Variants in TRIQK observed in about 807,000 individuals in gnomAD.
TRIQK encodes triple QxxK/R motif-containing protein.
A neutral mutation model predicts 10.8 loss-of-function variants in TRIQK; 10 were observed. The ratio of observed to expected loss-of-function variants is 0.92; its 90% CI spans 0.57 to 1.57. The LOEUF (loss-of-function observed/expected upper bound fraction) is 1.57, where lower values mean the gene tolerates loss of function less well. Ranked by LOEUF, TRIQK falls within the 40% of genes most tolerant of loss-of-function variation. The pLI is 0.00. For synonymous variants in TRIQK, 33 were observed against 33.7 expected (o/e 0.98, Z 0.07); for missense variants, 107 against 97.7 (o/e 1.09, Z -0.40).
intron 3 of TRIQK, among the ~76,000 whole-genome samples, chr8:92,912,766 C>A (rs1218623974): frequency 2.6e-5 from 4 of 151,528 alleles, no homozygotes; most frequent in Admixed American, 2.0e-4. Flanking sequence ...TGCAACCAAG[C>A]AAGAATGAAT....
intron 3 of TRIQK, among the ~76,000 whole-genome samples, chr8:92,908,152 C>G (rs1331559737): frequency 6.6e-6 from 1 of 152,100 alleles, no homozygotes; most frequent in African/African-American, 2.4e-5. Context: ...AGAAACAAGA[C>G]TACATCTTTG....
At chr8:92,911,678 G>A (rs1809575269) in intron 3 of TRIQK, among the ~76,000 whole-genome samples, 1 of 151,000 alleles carries the variant, frequency 6.6e-6, no homozygotes, top group Non-Finnish European at 1.5e-5. Flanking sequence ...TACAAGAGAT[G>A]AAGAAGGTCA....
In TRIQK at chr8:92,887,035, GA is replaced by G. The variant is rs1308276940; in HGVS notation, c.148-301del. On this transcript the variant is annotated intron_variant, in intron 4 of 4. Transcript: ENST00000521988. ...CATTTTAATATATTTTTATAGTTTGGATATCAGGATGTTCGATACAAGCAAT... is the reference window on the plus strand; with the variant it reads ...CATTTTAATATATTTTTATAGTTTGGTATCAGGATGTTCGATACAAGCAAT... 11 of 180,754 alleles carry G rather than the reference GA, an allele frequency of 6.1e-5. No homozygotes were observed. In the South Asian group the frequency reaches 1.4e-3, roughly 23 times the overall value. 11.2% of individuals were successfully genotyped at this position (180,754 alleles called of 1,614,324 possible).
chr8:92,903,168 A>C (rs1405048566), intron 3 of TRIQK, among the ~76,000 whole-genome samples: 1 of 152,042 alleles, frequency 6.6e-6, no homozygotes, highest in African/African-American at 2.4e-5. Flanking sequence ...ACATTTTAAA[A>C]ACTTTAGTAA....
At chr8:92,968,533 T>G (rs1489679466), upstream of TRIQK, among the ~76,000 whole-genome samples, 2 of 152,230 alleles carry the variant, frequency 1.3e-5, no homozygotes, top group Non-Finnish European at 2.9e-5. Flanking sequence ...GGTTTTGATT[T>G]GCATTTCTGT....
intron 3 of TRIQK, among the ~76,000 whole-genome samples, chr8:92,908,607 T>G (rs1286055192): frequency 1.3e-5 from 2 of 152,114 alleles, no homozygotes; most frequent in Non-Finnish European, 2.9e-5. Context: ...ATCTTGCAAA[T>G]ACATTCAATC....
intron 1 of TRIQK, among the ~76,000 whole-genome samples, chr8:93,014,131 A>G (rs1813361167): frequency 1.3e-5 from 2 of 152,174 alleles, no homozygotes; most frequent in Non-Finnish European, 2.9e-5. Flanking sequence ...AATCTGTTTC[A>G]GTATAATTGC....
At chr8:92,958,607 T>A (rs1189211102) in intron 1 of TRIQK, among the ~76,000 whole-genome samples, 1 of 151,978 alleles carries the variant, frequency 6.6e-6, no homozygotes, top group Non-Finnish European at 1.5e-5. Context: ...AAAATTCAAA[T>A]AATAATAGAT....
At chr8:92,984,820 C>G (rs989007344) in intron 1 of TRIQK, among the ~76,000 whole-genome samples, 1 of 151,922 alleles carries the variant, frequency 6.6e-6, no homozygotes, top group South Asian at 2.1e-4. Context: ...TTTGCCTTTC[C>G]TCCACTGTCT....
intron 1 of TRIQK, among the ~76,000 whole-genome samples, chr8:93,004,036 G>C (rs1379530004): frequency 6.6e-6 from 1 of 152,220 alleles, no homozygotes; most frequent in Non-Finnish European, 1.5e-5. Context: ...AGTGCAAGCT[G>C]TTTGTGGATT....
At chr8:92,983,974 G>T (rs915113712) in intron 1 of TRIQK, among the ~76,000 whole-genome samples, 2 of 151,946 alleles carry the variant, frequency 1.3e-5, no homozygotes, top group African/African-American at 4.8e-5. Context: ...CTGTAAATTT[G>T]GTCAAGTCAC....
intron 2 of TRIQK, among the ~76,000 whole-genome samples, chr8:92,931,463 C>T (rs1284641702): frequency 6.6e-6 from 1 of 151,992 alleles, no homozygotes; most frequent in Admixed American, 6.6e-5. Flanking sequence ...ATTACTTGCC[C>T]GATTTCTCAA....
At chr8:92,990,310 T>C (rs989926696) in intron 1 of TRIQK, among the ~76,000 whole-genome samples, 2 of 152,256 alleles carry the variant, frequency 1.3e-5, no homozygotes, top group African/African-American at 4.8e-5. Flanking sequence ...TCAATTATGA[T>C]ACTAATGTGG....
chr8:92,968,306 G>A (rs1389722914), upstream of TRIQK, among the ~76,000 whole-genome samples: 1 of 151,988 alleles, frequency 6.6e-6, no homozygotes, highest in Non-Finnish European at 1.5e-5. Context: ...TAATCCTTTG[G>A]GCATATACCC....
chr8:92,948,262 G>C (rs1020912423), intron 2 of TRIQK, among the ~76,000 whole-genome samples: 1 of 152,118 alleles, frequency 6.6e-6, no homozygotes, highest in African/African-American at 2.4e-5. Flanking sequence ...AGAAAACAAA[G>C]TTGCTCTACA....
chr8:92,916,249 T>A (rs1809836410), intron 3 of TRIQK, among the ~76,000 whole-genome samples: 1 of 152,192 alleles, frequency 6.6e-6, no homozygotes, highest in Admixed American at 6.5e-5. Flanking sequence ...AAATACTCCA[T>A]GTATCCTTGA....
At chr8:92,967,938 A>G (rs959398957), upstream of TRIQK, among the ~76,000 whole-genome samples, 1 of 151,910 alleles carries the variant, frequency 6.6e-6, no homozygotes, top group Admixed American at 6.6e-5. Flanking sequence ...AATGTACTTG[A>G]GTCCATTTTC....
chr8:92,979,866 G>A (rs1504689), intron 1 of TRIQK, among the ~76,000 whole-genome samples: 15,611 of 152,040 alleles, frequency 0.1, 1,901 homozygotes, highest in African/African-American at 0.29. Flanking sequence ...AAAATTTGAA[G>A]TCATGTAGCA....
At chr8:92,923,428 T>C (rs879945661) in intron 2 of TRIQK, among the ~76,000 whole-genome samples, 2 of 151,888 alleles carry the variant, frequency 1.3e-5, no homozygotes, top group Non-Finnish European at 2.9e-5. Flanking sequence ...TTGGAGATTA[T>C]GTCTCATCAC....
Sources: allele counts gnomAD v4.1 joint callset (sites outside exome capture counted in the v4.1 genomes callset), GRCh38; gene constraint gnomAD v4.1.1; transcripts MANE v1.5; gene names NCBI Gene and HGNC (gene_info 2026-07-23, HGNC 2026-07-21).